The following NAV3 variants were observed in gnomAD, a reference collection of about 807,000 sequenced individuals.
The protein encoded by NAV3 is neuron navigator 3.
In NAV3, 87 loss-of-function variants were observed where a neutral mutation model predicts 244.7. The observed-to-expected ratio is 0.36, with a 90% CI of 0.30 to 0.42. NAV3 has a LOEUF of 0.42. Ranked by LOEUF, NAV3 falls within the 20% of genes least tolerant of loss-of-function variation. The probability of loss-of-function intolerance (pLI) is 1.00; values close to 1 mark genes in which losing one functional copy is unlikely to be tolerated. For synonymous variants in NAV3, 1,126 were observed against 1,042.2 expected (o/e 1.08, Z -1.55); for missense variants, 2,663 against 2,893.3 (o/e 0.92, Z 1.83).
At chr12:77,578,839 C>T (rs1049485897) in intron 2 of NAV3, among the ~76,000 whole-genome samples, 1 of 152,010 alleles carries the variant, frequency 6.6e-6, no homozygotes, top group Non-Finnish European at 1.5e-5. Context: ...CTGACATTGT[C>T]CCAAGCAGCT....
intron 2 of NAV3, among the ~76,000 whole-genome samples, chr12:77,805,802 T>G (rs1047378543): frequency 1.3e-5 from 2 of 152,114 alleles, no homozygotes; most frequent in Non-Finnish European, 2.9e-5. Context: ...GTCCTGGGGT[T>G]TTTTTGGTTG....
In NAV3 at chr12:77,842,829, G is replaced by A. The variant is rs956788717; in HGVS notation, c.243+11125G>A. Among the ~76,000 whole-genome samples, 7 of 152,204 alleles carry A rather than the reference G, an allele frequency of 4.6e-5. No individual in the cohort carries two copies. The East Asian group carries it at 1.3e-3, about 29-fold the overall frequency. On this transcript the variant is annotated intron_variant, in intron 1 of 39. Transcript: ENST00000397909. ...GCAAGGTGAATTTCTAAGGTAATTT[G>A]TCTGTAGATTTAGTTGTGGTATAAG...
At chr12:78,101,648 A>G (rs1954543057) in intron 12 of NAV3, among the ~76,000 whole-genome samples, 1 of 152,106 alleles carries the variant, frequency 6.6e-6, no homozygotes, top group African/African-American at 2.4e-5. Flanking sequence ...TTCTTGAAAT[A>G]CGTTTTATTG....
intron 1 of NAV3, among the ~76,000 whole-genome samples, chr12:77,876,638 A>G (rs1881889756): frequency 6.6e-6 from 1 of 152,066 alleles, no homozygotes; most frequent in African/African-American, 2.4e-5. Flanking sequence ...AGAAAAACCA[A>G]ACCCCTATAT....
chr12:78,205,242 T>C (rs1378756884), intron 39 of NAV3, 104 bp downstream of exon 39: 9 of 1,222,652 alleles, frequency 7.4e-6, no homozygotes, highest in Non-Finnish European at 9.1e-6. Context: ...CTAAGCAACA[T>C]TTGGAACAGT....
At chr12:78,082,099 T>C (rs1255545547) in intron 12 of NAV3, among the ~76,000 whole-genome samples, 2 of 152,182 alleles carry the variant, frequency 1.3e-5, no homozygotes, top group East Asian at 1.9e-4. Context: ...CTGATGGTTT[T>C]ATAAAGGGGA....
rs116752359 is a variant in NAV3 at position 77,761,394 on chromosome 12, C to T, written c.73-178925C>T. ...TATGTCAAACTGCCACACAGTTCAG[C>T]TGCTATCTCCCAACATTGTTTATAT... On this transcript the variant is annotated intron_variant, in intron 2 of 8. Transcript: ENST00000550042. Among the ~76,000 whole-genome samples, 472 of 152,280 alleles carry T rather than the reference C, an allele frequency of 3.1e-3. 3 individuals carry two copies. Among genetic ancestry groups the T allele is most frequent in the Middle Eastern group, 0.024 (7 of 294 alleles).
At chr12:77,762,425 A>G (rs979458515) in intron 2 of NAV3, among the ~76,000 whole-genome samples, 1 of 151,954 alleles carries the variant, frequency 6.6e-6, no homozygotes, top group African/African-American at 2.4e-5. Context: ...CTTAAAGTAC[A>G]ATAAAAAATA....
At chr12:77,695,014 G>C (rs1463367405) in intron 2 of NAV3, among the ~76,000 whole-genome samples, 1 of 152,154 alleles carries the variant, frequency 6.6e-6, no homozygotes, top group Non-Finnish European at 1.5e-5. Context: ...CATTCACTGA[G>C]TACATAAGTG....
At chr12:77,931,630 G>A (rs1888803456) in intron 1 of NAV3, among the ~76,000 whole-genome samples, 1 of 152,024 alleles carries the variant, frequency 6.6e-6, no homozygotes, top group Non-Finnish European at 1.5e-5. Flanking sequence ...ACTTTGGGAG[G>A]CCCAGGCAGG....
chr12:77,792,755 ACT>A (rs1483672948), intron 2 of NAV3, among the ~76,000 whole-genome samples: 1 of 152,024 alleles, frequency 6.6e-6, no homozygotes, highest in Non-Finnish European at 1.5e-5. Context: ...ATCTGAAGGC[ACT>A]CTCTATATTT....
intron 1 of NAV3, among the ~76,000 whole-genome samples, chr12:77,901,721 G>T (rs1218829135): frequency 2.0e-5 from 3 of 151,930 alleles, no homozygotes; most frequent in Admixed American, 2.0e-4. Context: ...AAGAAAAAAA[G>T]AAAAGAAAGG....
At chr12:77,744,837 TAAC>T (rs949105959) in intron 2 of NAV3, among the ~76,000 whole-genome samples, 8 of 151,946 alleles carry the variant, frequency 5.3e-5, no homozygotes, top group African/African-American at 1.9e-4. Context: ...ATAAAACTAA[TAAC>T]AATAATGTTT....
intron 2 of NAV3, among the ~76,000 whole-genome samples, chr12:77,608,389 A>C: frequency 6.6e-6 from 1 of 152,122 alleles, no homozygotes; most frequent in East Asian, 1.9e-4. Context: ...AACCTTCTAA[A>C]GCAAGTCCTT....
At chr12:77,997,851 T>A (rs1282237766) in intron 6 of NAV3, among the ~76,000 whole-genome samples, 1 of 152,256 alleles carries the variant, frequency 6.6e-6, no homozygotes, top group Non-Finnish European at 1.5e-5. Context: ...TAGCTATTCC[T>A]TCTTGTTCAG....
intron 12 of NAV3, among the ~76,000 whole-genome samples, chr12:78,099,991 G>T (rs1365716943): frequency 6.6e-6 from 1 of 151,852 alleles, no homozygotes; most frequent in Admixed American, 6.6e-5. Flanking sequence ...CGACAGAATA[G>T]CTGTAAATCT....
chr12:78,040,527 C>T (rs1880678561), intron 9 of NAV3, among the ~76,000 whole-genome samples: 1 of 152,040 alleles, frequency 6.6e-6, no homozygotes, highest in Non-Finnish European at 1.5e-5. Context: ...TCTGAAAATA[C>T]AACGTTCTTA....
At chr12:78,026,216 C>T (rs1204794645) in intron 9 of NAV3, among the ~76,000 whole-genome samples, 1 of 152,184 alleles carries the variant, frequency 6.6e-6, no homozygotes, top group Non-Finnish European at 1.5e-5. Flanking sequence ...AAATGTCTCT[C>T]TCTGCACTAG....
At position 78,122,369 on chromosome 12, in the gene NAV3, T is replaced by A; in HGVS notation, c.4179T>A (p.Thr1393=). 6.2e-7 allele frequency: 1 copy of A among 1,613,838 alleles called. No homozygotes were observed. Among genetic ancestry groups the A allele is most frequent in the Non-Finnish European group, 8.5e-7 (1 of 1,179,922 alleles). The change falls in exon 16 of 40, where the codon ACT becomes ACA. Residue 1393 remains threonine (T), a synonymous_variant. Transcript: ENST00000397909. The part of the protein sequence containing the change: ...HGSLSGLTTG[T]HEVQSLLMRT... ...CCTTGTCTGGACTGACCACAGGCAC[T>A]CACGAGGTCCAGAGCCTGCTCATGA...
Sources: gnomAD v4.1 joint callset for allele counts (sites outside exome capture counted in the v4.1 genomes callset) on GRCh38, gnomAD v4.1.1 for gene constraint, MANE v1.5 for transcripts, NCBI Gene and HGNC (gene_info 2026-07-23, HGNC 2026-07-21) for gene names.